The following ADCY9 variants were observed in gnomAD, a reference collection of about 807,000 sequenced individuals.
ADCY9 encodes the protein adenylate cyclase 9, also known as adenylate cyclase type 9.
Under a neutral mutation model 101.5 loss-of-function variants are expected in ADCY9, and 50 were observed. That is an observed-to-expected ratio of 0.49 (90% CI 0.39 to 0.62). ADCY9 has a LOEUF of 0.62. Among genes scored for constraint, ADCY9 ranks in the 20% least tolerant of loss-of-function variants. ADCY9 has a pLI of 0.00. For missense variants in ADCY9, 1,662 were observed against 1,800.4 expected, an observed-to-expected ratio of 0.92 and a Z score of 1.39; for synonymous variants, 905 against 769.3, an observed-to-expected ratio of 1.18 and a Z score of -2.92.
At chr16:4,047,074 A>G (rs910779892) in intron 2 of ADCY9, among the ~76,000 whole-genome samples, 3 of 152,326 alleles carry the variant, frequency 2.0e-5, no homozygotes, top group African/African-American at 4.8e-5. Flanking sequence ...AGGACTGTAT[A>G]TAAGATTGTT....
rs144135624 is a variant in ADCY9, at chr16:4,100,160, G to A, written c.1693+13590C>T. On this transcript the variant is annotated intron_variant, in intron 2 of 10. Coordinates refer to ENST00000294016, the MANE Select transcript of ADCY9 (RefSeq NM_001116.4). ...GTTTAAAAGTGGCAGTTCCCCCTTCGCATGCTCTCTCTCTCACTCTCTCTC... is the reference window on the plus strand; with the variant it reads ...GTTTAAAAGTGGCAGTTCCCCCTTCACATGCTCTCTCTCTCACTCTCTCTC... 7.3e-3 allele frequency among the ~76,000 whole-genome samples: 1,117 copies of A among 152,000 alleles called. 14 individuals are homozygous for A. The highest frequency in any genetic ancestry group is 0.023 in the Admixed American group (355 of 15,236).
In ADCY9 at chr16:4,113,375, G is replaced by A. The variant is rs375700461; in HGVS notation, c.1693+375C>T. 1.4e-4 allele frequency among the ~76,000 whole-genome samples: 21 copies of A among 152,248 alleles called. No individual in the cohort carries two copies. The East Asian group carries it at 3.1e-3, about 22-fold the overall frequency. On this transcript the variant is annotated intron_variant, in intron 2 of 10. Coordinates refer to ENST00000294016, the MANE Select transcript of ADCY9 (RefSeq NM_001116.4). ...GAGAAACATTTGGATGGGACTTCAG[G>A]GTGACCAAATGAATGCAAAGGCAAT...
At chr16:3,979,308 G>A (rs776252453) in intron 7 of ADCY9, 33 bp from the exon 8 acceptor site, 61 of 1,609,050 alleles carry the variant, frequency 3.8e-5, no homozygotes, top group Admixed American at 3.7e-4. Context: ...CAGGAGCGAC[G>A]GGGCCCGGGG....
intron 8 of ADCY9, among the ~76,000 whole-genome samples, chr16:3,977,937 G>C (rs111807993): frequency 6.6e-6 from 1 of 152,022 alleles, no homozygotes. Flanking sequence ...GGCTGGTCTC[G>C]AACTCCTGAC....
At chr16:4,078,713 A>G (rs1195657617) in intron 2 of ADCY9, among the ~76,000 whole-genome samples, 1 of 152,176 alleles carries the variant, frequency 6.6e-6, no homozygotes, top group Non-Finnish European at 1.5e-5. Flanking sequence ...CAACATAAAG[A>G]TTTTAAATTT....
intron 3 of ADCY9, among the ~76,000 whole-genome samples, chr16:3,994,292 C>T (rs1325319667): frequency 6.6e-6 from 1 of 152,100 alleles, no homozygotes; most frequent in Non-Finnish European, 1.5e-5. Context: ...CCTCCAGAAC[C>T]CTGAGAAATA....
chr16:4,011,582 AGGGCCT>A (rs2056404616), intron 2 of ADCY9, among the ~76,000 whole-genome samples: 2 of 152,208 alleles, frequency 1.3e-5, no homozygotes, highest in African/African-American at 2.4e-5. Context: ...GTGATGGGCG[AGGGCCT>A]GGCTGCTGGA....
Position 4,114,113 on chromosome 16 carries a change from A to T in ADCY9, c.1330T>A (p.Cys444Ser), listed in dbSNP as rs1011355973. The T allele has an allele frequency of 6.2e-7, 1 of 1,613,748 alleles. No individual in the cohort carries two copies. The highest frequency in any genetic ancestry group is 8.5e-7 in the Non-Finnish European group (1 of 1,180,044). The change falls in exon 2 of 11, where the codon TGT (cysteine) becomes AGT (serine). Residue 444 changes from cysteine to serine, a missense_variant. Cys to Ser is a moderately radical substitution (Grantham distance 112). Around this residue, in one of 5 missense-constraint regions of ADCY9, gnomAD observed 228 missense variants for 301.1 expected, o/e 0.76. Transcript: ENST00000294016. The surrounding 1 kb of genome is among the most constrained non-coding windows in gnomAD (Gnocchi z 4.3). ...GGACAGCCCGCCACGCAGTAGTAAC[A>T]GTCTCCCAGGGTGCTGATTTTCTCA... is the stretch of plus-strand genomic sequence containing the variant. ...KCEKISTLGD[C>S]YYCVAGCPEP...
At chr16:4,014,720 T>A (rs1000250886) in intron 2 of ADCY9, among the ~76,000 whole-genome samples, 1 of 151,958 alleles carries the variant, frequency 6.6e-6, no homozygotes, top group Non-Finnish European at 1.5e-5. Flanking sequence ...AGTGCTGGGA[T>A]TAAAGGCGTG....
chr16:4,089,671 A>T (rs2238457), intron 2 of ADCY9, among the ~76,000 whole-genome samples: 29,859 of 151,786 alleles, frequency 0.2, 3,711 homozygotes, highest in East Asian at 0.44. Context: ...GCAGCAAGTG[A>T]ACCATTTCAC....
chr16:4,091,385 T>C (rs536563955), intron 2 of ADCY9, among the ~76,000 whole-genome samples: 46 of 152,314 alleles, frequency 3.0e-4, no homozygotes, highest in African/African-American at 1.0e-3. Context: ...AAGTTCCTCA[T>C]TTTAAAAGTG....
chr16:4,108,254 T>A (rs1212892035), intron 2 of ADCY9, among the ~76,000 whole-genome samples: 1 of 152,094 alleles, frequency 6.6e-6, no homozygotes, highest in East Asian at 1.9e-4. Context: ...TCACCATTTT[T>A]TGCTTGTGGC....
intron 2 of ADCY9, among the ~76,000 whole-genome samples, chr16:4,052,888 C>G (rs983414978): frequency 6.6e-6 from 1 of 152,220 alleles, no homozygotes; most frequent in Non-Finnish European, 1.5e-5. Flanking sequence ...CCTTAAGTCA[C>G]ACATTGCATA....
chr16:4,053,498 G>A (rs969346162), intron 2 of ADCY9, among the ~76,000 whole-genome samples: 4 of 152,206 alleles, frequency 2.6e-5, no homozygotes, highest in African/African-American at 9.7e-5. Flanking sequence ...TCACGTGCGA[G>A]CCCGCCGTCT....
chr16:4,112,441 C>G (rs928094630), intron 2 of ADCY9, among the ~76,000 whole-genome samples: 2 of 152,222 alleles, frequency 1.3e-5, no homozygotes, highest in South Asian at 4.1e-4. Context: ...ATAAAAGATA[C>G]AGGAGCTCAG....
intron 2 of ADCY9, among the ~76,000 whole-genome samples, chr16:4,107,550 CAAAAAAA>C (rs61565312): frequency 5.5e-5 from 4 of 72,846 alleles, no homozygotes; most frequent in African/African-American, 2.7e-4. Flanking sequence ...GACTCTGTCT[CAAAAAAA>C]AAAAAAAAAA....
At chr16:4,095,476 A>G (rs983672442) in intron 2 of ADCY9, among the ~76,000 whole-genome samples, 3 of 152,226 alleles carry the variant, frequency 2.0e-5, no homozygotes, top group Non-Finnish European at 4.4e-5. Context: ...ATCATCGGTA[A>G]GAACACTGTC....
intron 2 of ADCY9, among the ~76,000 whole-genome samples, chr16:4,101,281 ATTT>A (rs34733913): frequency 7.4e-6 from 1 of 135,518 alleles, no homozygotes; most frequent in African/African-American, 2.8e-5. Context: ...TGTTCAGGTG[ATTT>A]TTTTTTTTTT....
rs568488572 is a variant in ADCY9, at chr16:4,037,388, G to A, written c.1694-29830C>T. 5.3e-5 allele frequency among the ~76,000 whole-genome samples: 8 copies of A among 152,272 alleles called. No individual in the cohort carries two copies. In the East Asian group the frequency reaches 1.3e-3, roughly 26 times the overall value. On this transcript the variant is annotated intron_variant, in intron 2 of 10. Transcript: ENST00000294016. The stretch of plus-strand genomic sequence containing the variant: ...TCCATCCATGTTATTGTAAATAACA[G>A]GGTTTTGTTCCCCTTGATGGCTGGA...
Sources: allele counts gnomAD v4.1 joint callset (sites outside exome capture counted in the v4.1 genomes callset), GRCh38; gene constraint gnomAD v4.1.1; regional missense constraint gnomAD v4.1.1; non-coding constraint Gnocchi (gnomAD v3.1); transcripts MANE v1.5; gene names NCBI Gene and HGNC (gene_info 2026-07-23, HGNC 2026-07-21).